NCOA5: variants seen among roughly 807,000 people sequenced by gnomAD.
NCOA5 encodes the protein NCoA-5.
NCOA5 carries 12 observed loss-of-function variants against 59.0 expected under a neutral mutation model. The observed-to-expected ratio is 0.20, with a 90% CI of 0.13 to 0.33. NCOA5 has a LOEUF of 0.33. Ranked by LOEUF, NCOA5 falls within the 10% of genes least tolerant of loss-of-function variation. The probability of loss-of-function intolerance (pLI) is 1.00; values close to 1 mark genes in which losing one functional copy is unlikely to be tolerated. For synonymous variants in NCOA5, 270 were observed against 275.5 expected (o/e 0.98, Z 0.20); for missense variants, 655 against 766.6 (o/e 0.85, Z 1.72).
intron 1 of NCOA5, among the ~76,000 whole-genome samples, chr20:46,085,228 T>C (rs1427307010): frequency 6.6e-6 from 1 of 151,858 alleles, no homozygotes; most frequent in Non-Finnish European, 1.5e-5. Context: ...TGTCTCCCTA[T>C]GTTGCCCAGG....
At chr20:46,084,809 A>G (rs1200200841) in intron 1 of NCOA5, among the ~76,000 whole-genome samples, 2 of 152,262 alleles carry the variant, frequency 1.3e-5, no homozygotes, top group South Asian at 2.1e-4. Context: ...AACTACAAAA[A>G]AAGAGTCTGA....
At chr20:46,065,467 G>A (rs2084813507) in intron 5 of NCOA5, among the ~76,000 whole-genome samples, 1 of 152,158 alleles carries the variant, frequency 6.6e-6, no homozygotes, top group Admixed American at 6.5e-5. Flanking sequence ...TCCTTCTCTT[G>A]ATTCTCTAGC....
chr20:46,068,725 T>C, intron 3 of NCOA5, 87 bp from the exon 4 acceptor site: 1 of 1,349,798 alleles, frequency 7.4e-7, no homozygotes, highest in Non-Finnish European at 1.0e-6. Flanking sequence ...ATTAGACAAA[T>C]GAGGTTTATA....
At chr20:46,088,973 G>T (rs905396096) in intron 1 of NCOA5, among the ~76,000 whole-genome samples, 1 of 152,144 alleles carries the variant, frequency 6.6e-6, no homozygotes. Context: ...TGAAGTTGCC[G>T]CCTTAAATAT....
In NCOA5 at chr20:46,062,787, G is replaced by A. The variant is rs1158128477; in HGVS notation, c.1253C>T (p.Thr418Ile). 5 of 1,588,878 alleles carry A rather than the reference G, an allele frequency of 3.1e-6. No individual in the cohort carries two copies. The highest frequency in any genetic ancestry group is 1.7e-5 in the Admixed American group (1 of 58,298). ...GGTGGGGGGTGCAGATGGAGTGGGTGTAGCAGAGGGGAGCACTTGGCCGCT... is the reference window on the plus strand; with the variant it reads ...GGTGGGGGGTGCAGATGGAGTGGGTATAGCAGAGGGGAGCACTTGGCCGCT... ...LQSGQVLPSA[T>I]PTPSAPPTSQ... Residue 418 changes from threonine (T) to isoleucine (I), a missense_variant, in exon 8 of 8, where the codon ACA becomes ATA. Thr to Ile is a moderately conservative substitution (Grantham distance 89). Coordinates refer to ENST00000290231, the MANE Select transcript of NCOA5 (RefSeq NM_020967.3).
At chr20:46,089,544 A>C (rs987618896) in intron 1 of NCOA5, among the ~76,000 whole-genome samples, 2 of 152,170 alleles carry the variant, frequency 1.3e-5, no homozygotes, top group Non-Finnish European at 2.9e-5. Flanking sequence ...GTGCACAGAC[A>C]GGCGGCTGCG....
intron 1 of NCOA5, among the ~76,000 whole-genome samples, chr20:46,088,760 G>A (rs190843254): frequency 1.3e-4 from 20 of 152,320 alleles, no homozygotes; most frequent in African/African-American, 4.3e-4. Context: ...AATCTGCTTT[G>A]CCTCAGGAAA....
chr20:46,083,024 T>C (rs1372549127), intron 1 of NCOA5, among the ~76,000 whole-genome samples: 4 of 152,242 alleles, frequency 2.6e-5, no homozygotes, highest in African/African-American at 9.6e-5. Context: ...TATTTTTTAA[T>C]TGTACAATCA....
intron 2 of NCOA5, among the ~76,000 whole-genome samples, chr20:46,071,206 GC>G (rs2084879521): frequency 1.3e-5 from 2 of 151,580 alleles, no homozygotes; most frequent in South Asian, 4.2e-4. Context: ...TCACAGATAT[GC>G]TTTGTCTGCT....
chr20:46,078,868 T>C (rs1206811937), intron 2 of NCOA5, among the ~76,000 whole-genome samples: 1 of 152,134 alleles, frequency 6.6e-6, no homozygotes, highest in Non-Finnish European at 1.5e-5. Flanking sequence ...CTGGAGTGTT[T>C]TGCCCTTTTT....
chr20:46,062,380 G>A lies in NCOA5; in HGVS notation c.1660C>T (p.Leu554Phe), dbSNP rs2084776102. The change falls in exon 8 of 8, where the codon CTC becomes TTC. Residue 554 changes from leucine (L) to phenylalanine (F), a missense_variant. Transcript: ENST00000290231. ...GTGGTCTGGCTAACCAGGTGGGAGA[G>A]AGCAGGGCCACTCTGGATCAGGGTA... ...LDTLIQSGPALSHLVSQTTAQ... is the reference protein window; with the variant it reads ...LDTLIQSGPAFSHLVSQTTAQ... The A allele has an allele frequency of 1.9e-6, 3 of 1,614,058 alleles. No individual in the cohort carries two copies. Among genetic ancestry groups the A allele is most frequent in the Non-Finnish European group, 2.5e-6 (3 of 1,180,042 alleles).
chr20:46,071,182 C>T (rs2084879246), intron 2 of NCOA5, among the ~76,000 whole-genome samples: 1 of 145,784 alleles, frequency 6.9e-6, no homozygotes, highest in South Asian at 2.3e-4. Context: ...AAAAAAACAA[C>T]CTGAACAGTG....
At position 46,063,506 on chromosome 20, in the gene NCOA5, C is replaced by A. The variant is rs35315891; in HGVS notation, c.1004G>T (p.Arg335Leu). Residue 335 changes from arginine (R) to leucine (L), a missense_variant, in exon 7 of 8, where the codon CGT becomes CTT. Transcript: ENST00000290231. ...CTGGATGGCTGGAGGGTGGCCCCCA[C>A]GCACTCCCTCCTCAGGGCCTCCTCT... ...RERGGPEEGV[R>L]GGHPPAIQSL... 1 of 1,614,186 alleles carries A rather than the reference C, an allele frequency of 6.2e-7. No individual in the cohort carries two copies. Among genetic ancestry groups the A allele is most frequent in the Non-Finnish European group, 8.5e-7 (1 of 1,180,036 alleles).
chr20:46,075,561 G>C (rs1257541801), intron 2 of NCOA5, among the ~76,000 whole-genome samples: 1 of 152,190 alleles, frequency 6.6e-6, no homozygotes, highest in Non-Finnish European at 1.5e-5. Context: ...AAAATCCTCT[G>C]CAGAGCGTTG....
At chr20:46,065,344 T>A in intron 5 of NCOA5, 116 bp from the exon 6 acceptor site, 3 of 944,414 alleles carry the variant, frequency 3.2e-6, no homozygotes, top group Non-Finnish European at 3.3e-6. Context: ...CCCAGTACCG[T>A]ATTCAGGATC....
intron 3 of NCOA5, among the ~76,000 whole-genome samples, chr20:46,069,686 A>G (rs1163956945): frequency 6.6e-6 from 1 of 151,980 alleles, no homozygotes; most frequent in African/African-American, 2.4e-5. Flanking sequence ...AGCTGTGATC[A>G]TGCCACTGCA....
At chr20:46,086,703 G>A (rs1039166781) in intron 1 of NCOA5, among the ~76,000 whole-genome samples, 22 of 152,156 alleles carry the variant, frequency 1.4e-4, no homozygotes, top group African/African-American at 4.8e-4. Flanking sequence ...CTGATATTGA[G>A]CTTTAAAAGC....
At chr20:46,082,756 A>T (rs1348008488) in intron 1 of NCOA5, among the ~76,000 whole-genome samples, 1 of 152,196 alleles carries the variant, frequency 6.6e-6, no homozygotes, top group African/African-American at 2.4e-5. Flanking sequence ...TCAGTTAAGA[A>T]TTTTTAGACA....
At chr20:46,068,715 A>T in intron 3 of NCOA5, 77 bp from the exon 4 acceptor site, 3 of 1,416,318 alleles carry the variant, frequency 2.1e-6, no homozygotes. Context: ...ATTCTCTGGG[A>T]TTAGACAAAT....
Sources: gnomAD v4.1 joint callset for allele counts (sites outside exome capture counted in the v4.1 genomes callset) on GRCh38, gnomAD v4.1.1 for gene constraint, MANE v1.5 for transcripts, NCBI Gene and HGNC (gene_info 2026-07-23, HGNC 2026-07-21) for gene names.